Variants in ARID1B observed in about 807,000 individuals in gnomAD.
ARID1B encodes AT-rich interaction domain 1B.
A neutral mutation model predicts 212.3 loss-of-function variants in ARID1B; 30 were observed. That is an observed-to-expected ratio of 0.14 (90% CI 0.11 to 0.19). The LOEUF is 0.19. ARID1B is among the 10% of genes least tolerant of loss of function. The pLI is 1.00. For missense variants in ARID1B, 2,891 were observed against 3,204.0 expected, an observed-to-expected ratio of 0.90 and a Z score of 2.36; for synonymous variants, 1,402 against 1,301.7, an observed-to-expected ratio of 1.08 and a Z score of -1.66.
Position 156,779,302 on chromosome 6 carries a change from CGGCGGCGGG to C in ARID1B, c.1631_1639del (p.Gly544_Ala546del), listed in dbSNP as rs1392865152. 1.6e-5 allele frequency: 18 copies of C among 1,130,808 alleles called. 1 individual carries two copies. The South Asian group carries it at 3.8e-4, about 24-fold the overall frequency. 70.0% of individuals were successfully genotyped at this position (1,130,808 alleles called of 1,614,324 possible). A position where few individuals can be genotyped will look rare whatever the true frequency, so the allele number is the denominator to read the frequency against. On this transcript the variant is annotated inframe_deletion, in exon 1 of 20. Transcript: ENST00000636930. ...CCGTCGCAGCCCCAGTCCCAGGCGG[CGGCGGCGGG>C]GGCGGCGGCGGGCGGCCAGCAGGCG...
At chr6:157,197,891 C>T (rs1161052645) in intron 16 of ARID1B, among the ~76,000 whole-genome samples, 4 of 152,180 alleles carry the variant, frequency 2.6e-5, no homozygotes, top group Non-Finnish European at 5.9e-5. Context: ...TCTGCATTTC[C>T]TTCTTAGATA....
intron 4 of ARID1B, among the ~76,000 whole-genome samples, chr6:156,973,827 G>T (rs906044146): frequency 8.5e-5 from 13 of 152,076 alleles, no homozygotes; most frequent in African/African-American, 3.1e-4. Context: ...TTTCCTCAAA[G>T]ACATTTATTG....
rs1794655837 is a variant in ARID1B at position 157,209,099 on chromosome 6, C to G, written c.*1208C>G. 4.4e-6 allele frequency: 1 copy of G among 228,532 alleles called. No individual in the cohort carries two copies. The highest frequency in any genetic ancestry group is 6.3e-5 in the East Asian group (1 of 15,974). The allele number at this position is 228,532 out of a possible 1,614,324, so 14.2% of individuals were successfully genotyped here. On this transcript the variant is annotated 3_prime_UTR_variant, in exon 20 of 20. Coordinates refer to ENST00000636930, the MANE Select transcript of ARID1B (RefSeq NM_001374828.1). ...TCAAAGATTTTTCAGTGATGAGAATCCACATTTGTATTTCAAGATAATGTA... is the reference window on the plus strand; with the variant it reads ...TCAAAGATTTTTCAGTGATGAGAATGCACATTTGTATTTCAAGATAATGTA...
At chr6:157,059,476 A>G (rs1286629079) in intron 4 of ARID1B, among the ~76,000 whole-genome samples, 1 of 152,244 alleles carries the variant, frequency 6.6e-6, no homozygotes, top group Non-Finnish European at 1.5e-5. Context: ...AAAGAGTCTG[A>G]TTCATGTAAT....
At chr6:156,808,401 C>T (rs1042257250) in intron 1 of ARID1B, among the ~76,000 whole-genome samples, 2 of 152,106 alleles carry the variant, frequency 1.3e-5, no homozygotes, top group Admixed American at 1.3e-4. Flanking sequence ...AATAATCTCT[C>T]TTGAAAAAAG....
chr6:156,905,250 G>GCA (rs138326649), intron 3 of ARID1B, among the ~76,000 whole-genome samples: 22,191 of 143,660 alleles, frequency 0.15, 1,800 homozygotes, highest in Non-Finnish European at 0.2. Context: ...ACATATGCAC[G>GCA]CACACACACA....
In ARID1B at chr6:157,038,802, C is replaced by T. The variant is rs140174101; in HGVS notation, c.2248-45860C>T. Among the ~76,000 whole-genome samples, 76 of 152,254 alleles carry T rather than the reference C, an allele frequency of 5.0e-4. No individual in the cohort carries two copies. In the Middle Eastern group the frequency reaches 0.017, roughly 34 times the overall value. On this transcript the variant is annotated intron_variant, in intron 4 of 19. Transcript: ENST00000636930. ...TTCATACTTACTGAGTATGCAGCAACGTTATAGAAGATTAGTGTAGCCAGC... is the reference window on the plus strand; with the variant it reads ...TTCATACTTACTGAGTATGCAGCAATGTTATAGAAGATTAGTGTAGCCAGC...
At chr6:157,136,784 C>G (rs1022814003) in intron 7 of ARID1B, among the ~76,000 whole-genome samples, 1 of 152,106 alleles carries the variant, frequency 6.6e-6, no homozygotes, top group African/African-American at 2.4e-5. Context: ...ATCGCTTGAA[C>G]CCGGGACGTG....
At chr6:157,108,476 G>A (rs1319943437) in intron 5 of ARID1B, among the ~76,000 whole-genome samples, 1 of 152,180 alleles carries the variant, frequency 6.6e-6, no homozygotes, top group Non-Finnish European at 1.5e-5. Flanking sequence ...AGCACTTACT[G>A]TCTTGCTGCA....
intron 1 of ARID1B, among the ~76,000 whole-genome samples, chr6:156,826,723 A>C (rs1161203071): frequency 6.6e-6 from 1 of 152,042 alleles, no homozygotes; most frequent in Non-Finnish European, 1.5e-5. Flanking sequence ...GTCCTTGCCG[A>C]GCACAGCAGT....
chr6:157,137,661 T>C (rs77586850), intron 7 of ARID1B, among the ~76,000 whole-genome samples: 4,491 of 152,256 alleles, frequency 0.029, 208 homozygotes, highest in African/African-American at 0.1. Context: ...TGTGAGTAAG[T>C]AGAGTTACCT....
chr6:156,947,887 T>G (rs990302401), intron 4 of ARID1B, among the ~76,000 whole-genome samples: 5 of 152,182 alleles, frequency 3.3e-5, no homozygotes, highest in African/African-American at 9.6e-5. Flanking sequence ...TGCATGTATT[T>G]TTATATATTT....
At chr6:156,859,735 T>C (rs2128125469) in intron 2 of ARID1B, among the ~76,000 whole-genome samples, 1 of 152,362 alleles carries the variant, frequency 6.6e-6, no homozygotes, top group South Asian at 2.1e-4. Context: ...CATGTGCAGT[T>C]ATTTCTTTAC....
chr6:157,187,868 A>G (rs1312439107), intron 13 of ARID1B, among the ~76,000 whole-genome samples: 1 of 151,588 alleles, frequency 6.6e-6, no homozygotes, highest in African/African-American at 2.4e-5. Flanking sequence ...CTTGCAAGTG[A>G]TGTTTCCAAG....
At chr6:157,101,559 A>G (rs879597173) in intron 5 of ARID1B, among the ~76,000 whole-genome samples, 9 of 152,206 alleles carry the variant, frequency 5.9e-5, no homozygotes, top group Non-Finnish European at 1.3e-4. Context: ...GTCTTTTCAC[A>G]TTAATTATAA....
At chr6:157,188,475 G>A (rs182244565) in intron 13 of ARID1B, among the ~76,000 whole-genome samples, 2 of 152,270 alleles carry the variant, frequency 1.3e-5, no homozygotes, top group East Asian at 3.9e-4. Context: ...GTAACCTCTC[G>A]TGGTTTGTTT....
rs554796702 is a variant in ARID1B, at chr6:157,205,921, G to T, written c.5395-246G>T. The T allele has an allele frequency of 2.0e-5, 10 of 503,192 alleles. No homozygotes were observed. In the East Asian group the frequency reaches 3.4e-4, roughly 17 times the overall value. The allele number at this position is 503,192 out of a possible 1,614,324, so 31.2% of individuals were successfully genotyped here. ...TAAAAAGTAAGTTTTCGTGTAGATA[G>T]TCTAAGCAAGGAAGCAGCAAATAAG... On this transcript the variant is annotated intron_variant, in intron 19 of 19. Transcript: ENST00000636930.
chr6:156,872,078 T>C (rs1295696213), intron 2 of ARID1B, among the ~76,000 whole-genome samples: 1 of 152,232 alleles, frequency 6.6e-6, no homozygotes, highest in Non-Finnish European at 1.5e-5. Context: ...AGAGTCTGTG[T>C]AGAATAAAAT....
rs759759957 is a variant in ARID1B at position 157,201,055 on chromosome 6, G to T, written c.4830G>T (p.Ala1610=). ...NRQGPGGPTQ[A]PPYPGMNRTD... is the part of the protein sequence containing the mutation. The stretch of plus-strand genomic sequence containing the variant: ...AGGGCCCTGGCGGCCCTACACAGGC[G>T]CCCCCTTACCCAGGCATGAACCGCA... Residue 1610 remains alanine (A), a synonymous_variant, in exon 18 of 20, where the codon GCG becomes GCT. Coordinates refer to ENST00000636930, the MANE Select transcript of ARID1B (RefSeq NM_001374828.1). The surrounding 1 kb of genome is among the most constrained non-coding windows in gnomAD (Gnocchi z 5.2). 2 of 1,613,612 alleles carry T rather than the reference G, an allele frequency of 1.2e-6. No homozygotes were observed. The highest frequency in any genetic ancestry group is 3.3e-5 in the Admixed American group (2 of 59,974).
Sources: allele counts gnomAD v4.1 joint callset (sites outside exome capture counted in the v4.1 genomes callset), GRCh38; gene constraint gnomAD v4.1.1; non-coding constraint Gnocchi (gnomAD v3.1); transcripts MANE v1.5; gene names NCBI Gene and HGNC (gene_info 2026-07-23, HGNC 2026-07-21).